PKHD1: variants seen among roughly 807,000 people sequenced by gnomAD.
The protein encoded by PKHD1 is PKHD1 ciliary IPT domain containing fibrocystin/polyductin.
A neutral mutation model predicts 412.0 loss-of-function variants in PKHD1; 291 were observed. The observed-to-expected ratio is 0.71, with a 90% CI of 0.64 to 0.78. The LOEUF (loss-of-function observed/expected upper bound fraction) is 0.78. Among genes scored for constraint, PKHD1 ranks in the 30% least tolerant of loss-of-function variants. PKHD1 has a pLI of 0.00. For synonymous variants in PKHD1, 1,777 were observed against 1,821.5 expected (o/e 0.98, Z 0.62); for missense variants, 4,825 against 4,950.7 (o/e 0.97, Z 0.76).
intron 47 of PKHD1, among the ~76,000 whole-genome samples, chr6:51,869,042 C>T (rs927920985): frequency 1.1e-4 from 16 of 152,002 alleles, no homozygotes; most frequent in African/African-American, 3.4e-4. Context: ...GAAAAAGATA[C>T]AAATAGAGGC....
intron 60 of PKHD1, among the ~76,000 whole-genome samples, chr6:51,668,377 A>G (rs1450022241): frequency 6.6e-6 from 1 of 152,094 alleles, no homozygotes; most frequent in Non-Finnish European, 1.5e-5. Context: ...AATGCTTGTG[A>G]TTTTTGTACA....
rs147536451 is a variant in PKHD1, at chr6:51,745,710, T to C, written c.9998+1011A>G. Reference sequence around the variant, plus strand: ...CACAGTGAGACCCCATCTCCAAAAATAAAATAAATAAATTTCTGTTCTTCA... The same window carrying C: ...CACAGTGAGACCCCATCTCCAAAAACAAAATAAATAAATTTCTGTTCTTCA... On this transcript the variant is annotated intron_variant, in intron 59 of 66. Coordinates refer to ENST00000371117, the MANE Select transcript of PKHD1 (RefSeq NM_138694.4). Among the ~76,000 whole-genome samples, 15 of 152,208 alleles carry C rather than the reference T, an allele frequency of 9.9e-5. No homozygotes were observed. The East Asian group carries it at 1.9e-3, about 20-fold the overall frequency.
chr6:51,919,645 GT>G (rs1275933922), intron 37 of PKHD1, among the ~76,000 whole-genome samples: 7 of 152,086 alleles, frequency 4.6e-5, no homozygotes, highest in Non-Finnish European at 7.4e-5. Context: ...CTTTAAAGAA[GT>G]TTTTTCCAAT....
intron 55 of PKHD1, among the ~76,000 whole-genome samples, 188 bp downstream of exon 55, chr6:51,772,514 T>A (rs1790317933): frequency 6.6e-6 from 1 of 151,978 alleles, no homozygotes; most frequent in South Asian, 2.1e-4. Flanking sequence ...CTTTTGCATG[T>A]TTTGTTCTCC....
At chr6:52,065,085 G>T in intron 12 of PKHD1, 35 bp from the exon 13 acceptor site, 1 of 987,496 alleles carries the variant, frequency 1.0e-6, no homozygotes, top group Admixed American at 1.8e-5. Flanking sequence ...GTATGTGTGT[G>T]TGTGTAGGTA....
At chr6:51,791,080 C>T (rs1384004401) in intron 53 of PKHD1, among the ~76,000 whole-genome samples, 156 bp downstream of exon 53, 2 of 152,160 alleles carry the variant, frequency 1.3e-5, no homozygotes, top group African/African-American at 4.8e-5. Context: ...ACATGTAAAG[C>T]TTGCCGAAGA....
At chr6:51,766,169 C>T (rs1788965155) in intron 55 of PKHD1, among the ~76,000 whole-genome samples, 1 of 152,020 alleles carries the variant, frequency 6.6e-6, no homozygotes, top group Non-Finnish European at 1.5e-5. Flanking sequence ...AAAATCATGT[C>T]AAATAAATAA....
At chr6:51,798,424 TTTTC>T (rs2151306415) in intron 52 of PKHD1, among the ~76,000 whole-genome samples, 1 of 152,220 alleles carries the variant, frequency 6.6e-6, no homozygotes, top group South Asian at 2.1e-4. Flanking sequence ...TTGGAATGTC[TTTTC>T]TTTAAGAATG....
chr6:51,955,712 T>C lies in PKHD1; in HGVS notation c.5908+4158A>G, dbSNP rs911183204. Among the ~76,000 whole-genome samples the C allele has an allele frequency of 2.2e-4, 34 of 152,104 alleles. 1 individual carries two copies. The highest frequency in any genetic ancestry group is 7.5e-4 in the African/African-American group (31 of 41,460). ...ACTTAGCAGTAATCCTTTCAAAATA[T>C]ATATACTTCATGTAGAATGTATTCT... On this transcript the variant is annotated intron_variant, in intron 36 of 66. Transcript: ENST00000371117.
intron 61 of PKHD1, among the ~76,000 whole-genome samples, chr6:51,649,992 T>C (rs777225398): frequency 2.6e-5 from 4 of 152,192 alleles, no homozygotes; most frequent in Admixed American, 6.5e-5. Context: ...AATGACACTA[T>C]GTGGTAGGTA....
At chr6:51,760,050 T>C (rs16881835) in intron 55 of PKHD1, among the ~76,000 whole-genome samples, 5,060 of 152,134 alleles carry the variant, frequency 0.033, 119 homozygotes, top group Non-Finnish European at 0.054. Flanking sequence ...AGGTTACATA[T>C]GTGATCCTGA....
chr6:51,838,001 G>A (rs4715249), intron 50 of PKHD1, among the ~76,000 whole-genome samples: 52,848 of 151,906 alleles, frequency 0.35, 11,676 homozygotes, highest in East Asian at 0.71. Context: ...CTTATTTCAT[G>A]CATCTTTCTA....
intron 50 of PKHD1, among the ~76,000 whole-genome samples, chr6:51,842,658 C>A (rs916815197): frequency 6.6e-6 from 1 of 152,216 alleles, no homozygotes; most frequent in Non-Finnish European, 1.5e-5. Flanking sequence ...CAGGAAGAAG[C>A]ATAGCCCTCC....
chr6:51,736,212 A>AT (rs1020706685), intron 60 of PKHD1, among the ~76,000 whole-genome samples: 4 of 152,220 alleles, frequency 2.6e-5, no homozygotes, highest in African/African-American at 7.2e-5. Context: ...CAATAATAAC[A>AT]TGTCTAGATT....
intron 35 of PKHD1, among the ~76,000 whole-genome samples, chr6:51,993,461 C>A (rs376201956): frequency 6.6e-6 from 1 of 152,244 alleles, no homozygotes; most frequent in Non-Finnish European, 1.5e-5. Flanking sequence ...AATTAAGTCC[C>A]GTGGGACAGG....
chr6:52,068,063 T>G (rs1033099755), intron 11 of PKHD1, among the ~76,000 whole-genome samples: 1 of 152,098 alleles, frequency 6.6e-6, no homozygotes, highest in Non-Finnish European at 1.5e-5. Context: ...TGAACAGATA[T>G]GGAAAGGAGG....
At chr6:51,841,457 T>C (rs933321843) in intron 50 of PKHD1, among the ~76,000 whole-genome samples, 2 of 152,158 alleles carry the variant, frequency 1.3e-5, no homozygotes, top group African/African-American at 4.8e-5. Flanking sequence ...CTTTTGGAGT[T>C]GTTTCCAACC....
At chr6:51,698,210 A>G (rs1428851898) in intron 60 of PKHD1, among the ~76,000 whole-genome samples, 1 of 152,216 alleles carries the variant, frequency 6.6e-6, no homozygotes, top group East Asian at 1.9e-4. Context: ...TATAAAACCC[A>G]TTAGACTAGA....
intron 35 of PKHD1, among the ~76,000 whole-genome samples, chr6:52,003,150 G>C (rs1203215492): frequency 6.6e-6 from 1 of 152,094 alleles, no homozygotes; most frequent in Non-Finnish European, 1.5e-5. Flanking sequence ...TCAACTTTAA[G>C]AAAAGGAGAA....
Sources: gnomAD v4.1 joint callset for allele counts (sites outside exome capture counted in the v4.1 genomes callset) on GRCh38, gnomAD v4.1.1 for gene constraint, MANE v1.5 for transcripts, NCBI Gene and HGNC (gene_info 2026-07-23, HGNC 2026-07-21) for gene names.